LCLAT1: variants seen among roughly 807,000 people sequenced by gnomAD.
LCLAT1 encodes the protein lysocardiolipin acyltransferase 1.
In LCLAT1, 11 loss-of-function variants were observed where a neutral mutation model predicts 30.7. The observed-to-expected ratio is 0.36, with a 90% CI of 0.23 to 0.59. The LOEUF (loss-of-function observed/expected upper bound fraction) is 0.59. Ranked by LOEUF, LCLAT1 falls within the 20% of genes least tolerant of loss-of-function variation. The pLI is 0.77. For synonymous variants in LCLAT1, 155 were observed against 151.3 expected (o/e 1.02, Z -0.18); for missense variants, 402 against 458.6 (o/e 0.88, Z 1.13).
At chr2:30,502,841 C>A (rs1483495944) in intron 1 of LCLAT1, among the ~76,000 whole-genome samples, 1 of 152,080 alleles carries the variant, frequency 6.6e-6, no homozygotes, top group Non-Finnish European at 1.5e-5. Context: ...ACAGGTGAGC[C>A]CCCAAATTGG....
chr2:30,642,640 T>G lies in LCLAT1; in HGVS notation c.*2021T>G, dbSNP rs1669380112. On this transcript the variant is annotated 3_prime_UTR_variant, in exon 6 of 6. Coordinates refer to ENST00000379509, the MANE Select transcript of LCLAT1 (RefSeq NM_001002257.3). ...AACTCAAGAGGCTCATTGTTCAAGG[T>G]GTAACAACATTTAATTGCATGTCCT... 1.3e-5 allele frequency: 2 copies of G among 152,004 alleles called. No individual in the cohort carries two copies. Among genetic ancestry groups the G allele is most frequent in the South Asian group, 4.1e-4 (2 of 4,820 alleles). The allele number at this position is 152,004 out of a possible 1,614,324, so 9.4% of individuals were successfully genotyped here.
chr2:30,540,524 A>G (rs932916765), intron 3 of LCLAT1, among the ~76,000 whole-genome samples: 3 of 152,204 alleles, frequency 2.0e-5, no homozygotes, highest in Non-Finnish European at 4.4e-5. Flanking sequence ...AATTAAATCA[A>G]TTTATATGTC....
chr2:30,537,598 A>C (rs1663852140), intron 3 of LCLAT1, among the ~76,000 whole-genome samples: 1 of 152,058 alleles, frequency 6.6e-6, no homozygotes, highest in Non-Finnish European at 1.5e-5. Flanking sequence ...ATACTGTTAG[A>C]TCTAAAGGGA....
rs1285683223 is a variant in LCLAT1 at position 30,640,239 on chromosome 2, C to G, written c.751C>G (p.Pro251Ala). The change falls in exon 6 of 6, where the codon CCA (proline) becomes GCA (alanine). Residue 251 changes from proline (P) to alanine (A), a missense_variant. By Grantham distance (27) the Pro-to-Ala change is conservative (BLOSUM62 -1). Transcript: ENST00000379509. ...REIHFHVHRYPIDTLPTSKED... is the reference protein window; with the variant it reads ...REIHFHVHRYAIDTLPTSKED... ...AATCCACTTTCACGTCCACCGGTAT[C>G]CAATAGACACCCTCCCCACATCCAA... 6.2e-7 allele frequency: 1 copy of G among 1,614,128 alleles called. No individual in the cohort carries two copies. Among genetic ancestry groups the G allele is most frequent in the South Asian group, 1.1e-5 (1 of 91,072 alleles).
intron 1 of LCLAT1, among the ~76,000 whole-genome samples, chr2:30,483,554 G>A (rs1683418042): frequency 6.6e-6 from 1 of 152,050 alleles, no homozygotes; most frequent in Non-Finnish European, 1.5e-5. Context: ...GCAAGCAAAA[G>A]GGCCTGGCAA....
intron 5 of LCLAT1, among the ~76,000 whole-genome samples, chr2:30,587,453 G>T (rs1666495062): frequency 6.6e-6 from 1 of 152,136 alleles, no homozygotes; most frequent in Non-Finnish European, 1.5e-5. Flanking sequence ...GCACTCTAGG[G>T]AAACTTTAAA....
In LCLAT1 at chr2:30,533,173, C is replaced by T. The variant is rs267599338; in HGVS notation, c.223C>T (p.Pro75Ser). 2 of 1,613,966 alleles carry T rather than the reference C, an allele frequency of 1.2e-6. No homozygotes were observed. The highest frequency in any genetic ancestry group is 1.7e-6 in the Non-Finnish European group (2 of 1,179,894). ...GATTATAACTGGGGATGCATTTGTT[C>T]CTGGAGAAAGAAGTGTCATTATCAT... ...KVIITGDAFVPGERSVIIMNH... is the reference protein window; with the variant it reads ...KVIITGDAFVSGERSVIIMNH... The change falls in exon 3 of 6, where the codon CCT (proline) becomes TCT (serine). Residue 75 changes from proline (P) to serine (S), a missense_variant. Transcript: ENST00000379509.
At position 30,615,853 on chromosome 2, in the gene LCLAT1, C is replaced by T. The variant is rs144543006; in HGVS notation, c.629-24264C>T. 6.7e-4 allele frequency among the ~76,000 whole-genome samples: 102 copies of T among 152,210 alleles called. 1 individual carries two copies. In the South Asian group the frequency reaches 8.7e-3, roughly 13 times the overall value. On this transcript the variant is annotated intron_variant, in intron 5 of 5. Transcript: ENST00000379509. ...AAGAGTACTAAATCAGATTACTTGC[C>T]GGTTACGTCTTCAGACTGATTGAAT...
At chr2:30,629,937 A>T (rs1158338922) in intron 5 of LCLAT1, among the ~76,000 whole-genome samples, 1 of 151,678 alleles carries the variant, frequency 6.6e-6, no homozygotes, top group East Asian at 1.9e-4. Flanking sequence ...CCATTTCTAG[A>T]TCTTTTTTTT....
At chr2:30,630,634 GC>G (rs1454397193) in intron 5 of LCLAT1, among the ~76,000 whole-genome samples, 1 of 152,152 alleles carries the variant, frequency 6.6e-6, no homozygotes, top group Admixed American at 6.5e-5. Context: ...AGAGAAAACA[GC>G]CTTCTACTTT....
In LCLAT1 at chr2:30,494,985, C is replaced by T. The variant is rs370703045; in HGVS notation, c.-4-30602C>T. Among the ~76,000 whole-genome samples, 86 of 147,268 alleles carry T rather than the reference C, an allele frequency of 5.8e-4. 2 individuals are homozygous for T. The highest frequency in any genetic ancestry group is 2.1e-3 in the African/African-American group (82 of 39,990). On this transcript the variant is annotated intron_variant, in intron 1 of 5. Coordinates refer to ENST00000379509, the MANE Select transcript of LCLAT1 (RefSeq NM_001002257.3). Reference sequence around the variant, plus strand: ...TTTTTTTTTAATTTTTGAAATTGATCATTGGGACATATGGGCTGAATCTTT... The same window carrying T: ...TTTTTTTTTAATTTTTGAAATTGATTATTGGGACATATGGGCTGAATCTTT...
intron 1 of LCLAT1, among the ~76,000 whole-genome samples, chr2:30,461,413 G>A (rs1015421444): frequency 2.6e-5 from 4 of 152,194 alleles, no homozygotes; most frequent in Admixed American, 2.6e-4. Flanking sequence ...TGGTGTTTTT[G>A]TTGTTGTTGG....
chr2:30,477,051 A>G (rs1253870159), intron 1 of LCLAT1, among the ~76,000 whole-genome samples: 1 of 152,188 alleles, frequency 6.6e-6, no homozygotes, highest in Non-Finnish European at 1.5e-5. Flanking sequence ...ACACAATCTT[A>G]CCTTCTTTTT....
chr2:30,491,660 G>A (rs1683837393), intron 1 of LCLAT1, among the ~76,000 whole-genome samples: 1 of 152,124 alleles, frequency 6.6e-6, no homozygotes, highest in African/African-American at 2.4e-5. Context: ...CTTATATTTT[G>A]CTTGTAGATT....
chr2:30,530,923 AT>A (rs1685951022), intron 2 of LCLAT1, among the ~76,000 whole-genome samples: 2 of 152,078 alleles, frequency 1.3e-5, no homozygotes, highest in Admixed American at 6.6e-5. Flanking sequence ...TATATTAGAG[AT>A]TGCATATATA....
At chr2:30,482,168 AAGAC>A (rs1246520874) in intron 1 of LCLAT1, among the ~76,000 whole-genome samples, 3 of 152,224 alleles carry the variant, frequency 2.0e-5, no homozygotes, top group African/African-American at 7.2e-5. Context: ...AGTGTTCAGT[AAGAC>A]AGACATCTAA....
intron 5 of LCLAT1, among the ~76,000 whole-genome samples, chr2:30,619,449 A>G (rs1668143859): frequency 6.6e-6 from 1 of 152,212 alleles, no homozygotes; most frequent in Non-Finnish European, 1.5e-5. Context: ...TGCCACCTTC[A>G]CTTTCCATCT....
rs553186364 is a variant in LCLAT1, at chr2:30,495,276, A to G, written c.-4-30311A>G. Reference sequence around the variant, plus strand: ...TTCTTTGTCTCATTATTTGTGTTCAAAATATTCATAGAATCAGTAAATTAT... The same window carrying G: ...TTCTTTGTCTCATTATTTGTGTTCAGAATATTCATAGAATCAGTAAATTAT... On this transcript the variant is annotated intron_variant, in intron 1 of 5. Coordinates refer to ENST00000379509, the MANE Select transcript of LCLAT1 (RefSeq NM_001002257.3). Among the ~76,000 whole-genome samples the G allele has an allele frequency of 3.3e-3, 504 of 152,240 alleles. 1 individual carries two copies. The highest frequency in any genetic ancestry group is 0.011 in the African/African-American group (476 of 41,544).
intron 1 of LCLAT1, among the ~76,000 whole-genome samples, chr2:30,517,715 GA>G (rs1404850535): frequency 6.6e-6 from 1 of 152,090 alleles, no homozygotes; most frequent in East Asian, 1.9e-4. Context: ...AAAGAGAGGG[GA>G]AAAAGAGAGA....
Sources: gnomAD v4.1 joint callset for allele counts (sites outside exome capture counted in the v4.1 genomes callset) on GRCh38, gnomAD v4.1.1 for gene constraint, MANE v1.5 for transcripts, NCBI Gene and HGNC (gene_info 2026-07-23, HGNC 2026-07-21) for gene names.